The following SHANK2 variants were observed in gnomAD, a reference collection of about 807,000 sequenced individuals.
The protein encoded by SHANK2 is SH3 and multiple ankyrin repeat domains protein 2.
SHANK2 carries 43 observed loss-of-function variants against 133.7 expected under a neutral mutation model. The ratio of observed to expected loss-of-function variants is 0.32; its 90% CI spans 0.25 to 0.41. SHANK2 has a LOEUF of 0.41. Ranked by LOEUF, SHANK2 falls within the 10% of genes least tolerant of loss-of-function variation. SHANK2 has a pLI of 1.00. For synonymous variants in SHANK2, 1,017 were observed against 952.8 expected (o/e 1.07, Z -1.24); for missense variants, 1,994 against 2,235.8 (o/e 0.89, Z 2.18).
At chr11:70,590,023 C>T (rs553059541) in intron 17 of SHANK2, among the ~76,000 whole-genome samples, 75 of 152,176 alleles carry the variant, frequency 4.9e-4, no homozygotes, top group African/African-American at 1.8e-3. Flanking sequence ...GGCGCGGTGG[C>T]GGGCGCCTGT....
At chr11:70,616,818 G>T (rs1249682988) in intron 17 of SHANK2, among the ~76,000 whole-genome samples, 1 of 152,186 alleles carries the variant, frequency 6.6e-6, no homozygotes, top group Non-Finnish European at 1.5e-5. Flanking sequence ...GTCCCCAGGC[G>T]AGGGGAGCCT....
chr11:70,836,280 G>T (rs1948814288), intron 11 of SHANK2, among the ~76,000 whole-genome samples: 1 of 152,244 alleles, frequency 6.6e-6, no homozygotes, highest in Non-Finnish European at 1.5e-5. Context: ...TGGGCACAGA[G>T]GGAAAGCTTG....
rs535120249 is a variant in SHANK2 at position 70,900,211 on chromosome 11, G to A, written c.1108-3644C>T. ...TCTACTAAAAATACAAAAATTAGCT[G>A]GGCGTGGTAGCATGCACCTGTAGTC... On this transcript the variant is annotated intron_variant, in intron 10 of 25. Coordinates refer to ENST00000601538, the MANE Select transcript of SHANK2 (RefSeq NM_012309.5). 2.6e-5 allele frequency among the ~76,000 whole-genome samples: 4 copies of A among 152,136 alleles called. No individual in the cohort carries two copies. In the East Asian group the frequency reaches 7.8e-4, roughly 30 times the overall value.
At position 70,487,450 on chromosome 11, in the gene SHANK2, T is replaced by G. The variant is rs2058827052; in HGVS notation, c.2843A>C (p.Lys948Thr). 6.2e-7 allele frequency: 1 copy of G among 1,613,926 alleles called. No individual in the cohort carries two copies. The highest frequency in any genetic ancestry group is 1.7e-5 in the Admixed American group (1 of 59,994). ...CAGCTCTCTCCTGAAGTACATCCCC[T>G]TCTCCCTCATCATGGTGGCCACGGT... ...SDTVATMMREKGMYFRRELDR... is the reference protein window; with the variant it reads ...SDTVATMMRETGMYFRRELDR... The change falls in exon 25 of 26, where the codon AAG becomes ACG. Residue 948 changes from lysine (K) to threonine (T), a missense_variant. Physicochemically the swap from Lys to Thr is moderately conservative, Grantham distance 78. Coordinates refer to ENST00000601538, the MANE Select transcript of SHANK2 (RefSeq NM_012309.5). This position sits in a 1 kb window ranked among gnomAD's most constrained non-coding sequence, Gnocchi z 5.8.
intron 8 of SHANK2, among the ~76,000 whole-genome samples, chr11:71,077,863 A>T (rs944711380): frequency 1.0e-3 from 159 of 152,284 alleles, no homozygotes; most frequent in Non-Finnish European, 2.0e-3. Context: ...AGAAAACTAG[A>T]ATATGCCTTG....
In SHANK2 at chr11:70,479,555, C is replaced by T. The variant is rs1198537409; in HGVS notation, c.4979+5759G>A. Among the ~76,000 whole-genome samples the T allele has an allele frequency of 6.6e-6, 1 of 152,200 alleles. No individual in the cohort carries two copies. The highest frequency in any genetic ancestry group is 1.5e-5 in the Non-Finnish European group (1 of 68,038). On this transcript the variant is annotated intron_variant, in intron 25 of 25. Transcript: ENST00000601538. This position sits in a 1 kb window ranked among gnomAD's most constrained non-coding sequence, Gnocchi z 4.4. ...GAAGCCCATCCATCCCATGGGGAAG[C>T]GAAGGCCAATCTCGAGGTCCCTTCT...
At chr11:70,498,687 C>T (rs529758040) in intron 21 of SHANK2, among the ~76,000 whole-genome samples, 7 of 152,282 alleles carry the variant, frequency 4.6e-5, no homozygotes, top group Admixed American at 2.6e-4. Flanking sequence ...GGGACAGACC[C>T]GGGATTTGAG....
At chr11:70,741,919 T>C (rs147283408) in intron 14 of SHANK2, among the ~76,000 whole-genome samples, 466 of 152,312 alleles carry the variant, frequency 3.1e-3, no homozygotes, top group African/African-American at 0.011. Context: ...GTAGCCCCCA[T>C]GCTGGTGGAC....
chr11:70,496,887 TCAC>T (rs1328864797), intron 21 of SHANK2: 1 of 449,462 alleles, frequency 2.2e-6, no homozygotes, highest in Non-Finnish European at 4.5e-6. Flanking sequence ...CTACCCATCA[TCAC>T]AGTCGCCACA....
intron 10 of SHANK2, among the ~76,000 whole-genome samples, chr11:70,902,050 C>T (rs782339023): frequency 6.6e-6 from 1 of 152,220 alleles, no homozygotes; most frequent in Non-Finnish European, 1.5e-5. Context: ...AAGATGTCTC[C>T]ATGGCCCGGG....
At chr11:71,209,672 G>A (rs1460792653) in intron 2 of SHANK2, among the ~76,000 whole-genome samples, 1 of 152,216 alleles carries the variant, frequency 6.6e-6, no homozygotes, top group African/African-American at 2.4e-5. Context: ...CTGTGTTGGT[G>A]TCAATGTGCT....
At chr11:70,574,728 A>T (rs919192477) in intron 17 of SHANK2, among the ~76,000 whole-genome samples, 3 of 152,130 alleles carry the variant, frequency 2.0e-5, no homozygotes, top group Admixed American at 6.5e-5. Context: ...GTTCTGCAGC[A>T]TGGAGCACAG....
chr11:70,912,796 G>A (rs1555079266), intron 10 of SHANK2, among the ~76,000 whole-genome samples: 3 of 152,148 alleles, frequency 2.0e-5, no homozygotes, highest in Non-Finnish European at 2.9e-5. Context: ...TATCAGCAGT[G>A]TGAAAATGAA....
chr11:70,665,314 A>AT (rs1412916387), intron 15 of SHANK2, among the ~76,000 whole-genome samples: 12 of 151,974 alleles, frequency 7.9e-5, no homozygotes, highest in East Asian at 3.9e-4. Context: ...CTAATTTTTA[A>AT]TTTTTTTGTA....
At chr11:70,762,774 G>A (rs1947022106) in intron 14 of SHANK2, among the ~76,000 whole-genome samples, 1 of 152,216 alleles carries the variant, frequency 6.6e-6, no homozygotes, top group East Asian at 1.9e-4. Flanking sequence ...AGAGGTGAGG[G>A]GCATTAAGGC....
chr11:71,104,015 C>A (rs782040475), intron 6 of SHANK2, among the ~76,000 whole-genome samples: 1 of 151,934 alleles, frequency 6.6e-6, no homozygotes, highest in Non-Finnish European at 1.5e-5. Context: ...TGAGGCCTCC[C>A]CAGAAGCAGA....
intron 15 of SHANK2, among the ~76,000 whole-genome samples, chr11:70,676,648 T>C (rs1555017268): frequency 6.6e-6 from 1 of 152,204 alleles, no homozygotes; most frequent in African/African-American, 2.4e-5. Flanking sequence ...ATAATGTGAA[T>C]ATTTGGAGCT....
chr11:70,490,644 A>G (rs1273982906), intron 22 of SHANK2, among the ~76,000 whole-genome samples: 2 of 152,220 alleles, frequency 1.3e-5, no homozygotes, highest in Non-Finnish European at 1.5e-5. Flanking sequence ...GCCCTGTTCC[A>G]TGGAGATGTG....
intron 10 of SHANK2, chr11:70,943,819 C>G (rs1565420032): frequency 2.4e-6 from 1 of 421,958 alleles, no homozygotes; most frequent in Non-Finnish European, 4.8e-6. Context: ...CCCACCCAAT[C>G]CCTTCCTCAC....
Sources: gnomAD v4.1 joint callset for allele counts (sites outside exome capture counted in the v4.1 genomes callset) on GRCh38, gnomAD v4.1.1 for gene constraint, Gnocchi (gnomAD v3.1) non-coding constraint, MANE v1.5 for transcripts, NCBI Gene and HGNC (gene_info 2026-07-23, HGNC 2026-07-21) for gene names.